GPR155: variants seen among roughly 807,000 people sequenced by gnomAD.
GPR155 encodes the protein G protein-coupled receptor 155.
A neutral mutation model predicts 93.1 loss-of-function variants in GPR155; 65 were observed. That is an observed-to-expected ratio of 0.70 (90% CI 0.57 to 0.86). The LOEUF (loss-of-function observed/expected upper bound fraction) is 0.86. GPR155 is among the 40% of genes least tolerant of loss of function. The pLI is 0.00. For synonymous variants in GPR155, 319 were observed against 360.1 expected (o/e 0.89, Z 1.29); for missense variants, 838 against 1,034.8 (o/e 0.81, Z 2.61).
chr2:174,469,571 G>A (rs1559114285), intron 4 of GPR155, among the ~76,000 whole-genome samples: 1 of 152,126 alleles, frequency 6.6e-6, no homozygotes, highest in Non-Finnish European at 1.5e-5. Context: ...TTTAGACACT[G>A]TTAATAATTT....
chr2:174,467,081 T>C (rs1222014527), intron 5 of GPR155, among the ~76,000 whole-genome samples: 1 of 152,006 alleles, frequency 6.6e-6, no homozygotes, highest in Non-Finnish European at 1.5e-5. Flanking sequence ...TGCTTGAACC[T>C]GGGAGGTGGA....
chr2:174,470,310 A>AT (rs1687955607), intron 4 of GPR155, 80 bp downstream of exon 4: 1 of 1,148,968 alleles, frequency 8.7e-7, no homozygotes, highest in Non-Finnish European at 1.2e-6. Flanking sequence ...TTAAAAAAGA[A>AT]TTTTAAAAAA....
At chr2:174,469,175 G>C in intron 4 of GPR155, 108 bp from the exon 5 acceptor site, 1 of 861,658 alleles carries the variant, frequency 1.2e-6, no homozygotes, top group Middle Eastern at 2.4e-4. Flanking sequence ...ATGAGACACA[G>C]TAAAGACATT....
At chr2:174,480,999 G>A (rs62175272) in intron 2 of GPR155, among the ~76,000 whole-genome samples, 2 of 151,878 alleles carry the variant, frequency 1.3e-5, no homozygotes, top group Non-Finnish European at 1.5e-5. Context: ...GGCTGGTCTC[G>A]AACTCCTAGG....
intron 11 of GPR155, among the ~76,000 whole-genome samples, chr2:174,448,746 C>T (rs1186874770): frequency 1.8e-4 from 28 of 151,488 alleles, no homozygotes; most frequent in Admixed American, 1.1e-3. Flanking sequence ...ACCTTGTTAG[C>T]CAGGATGGTC....
rs573821767 is a variant in GPR155 at position 174,474,389 on chromosome 2, G to C, written c.461-1025C>G. 5.9e-5 allele frequency among the ~76,000 whole-genome samples: 9 copies of C among 152,292 alleles called. No individual in the cohort carries two copies. The East Asian group carries it at 1.7e-3, about 29-fold the overall frequency. On this transcript the variant is annotated intron_variant, in intron 2 of 15. Coordinates refer to ENST00000392552, the MANE Select transcript of GPR155 (RefSeq NM_152529.7). ...AAAGAAGACCAGTGGAGATACTTAAGGAGTAGAGATAGAAAGGTGGATCTT... is the reference window on the plus strand; with the variant it reads ...AAAGAAGACCAGTGGAGATACTTAACGAGTAGAGATAGAAAGGTGGATCTT...
intron 11 of GPR155, among the ~76,000 whole-genome samples, chr2:174,449,805 G>A (rs1387730420): frequency 3.3e-5 from 5 of 152,204 alleles, no homozygotes; most frequent in African/African-American, 4.8e-5. Flanking sequence ...GTGAAATCCC[G>A]TCTCTACTAA....
chr2:174,457,289 G>A (rs1038183505), intron 10 of GPR155, among the ~76,000 whole-genome samples: 1 of 152,206 alleles, frequency 6.6e-6, no homozygotes, highest in Non-Finnish European at 1.5e-5. Flanking sequence ...TCCAGCCTGA[G>A]AGACAGAGAA....
intron 14 of GPR155, among the ~76,000 whole-genome samples, chr2:174,440,637 A>G (rs543356216): frequency 7.9e-5 from 12 of 152,336 alleles, no homozygotes; most frequent in Middle Eastern, 6.8e-3. Context: ...ATAAAGATGA[A>G]GAAGAAAGAA....
At chr2:174,464,989 C>T (rs1687798630) in intron 7 of GPR155, among the ~76,000 whole-genome samples, 1 of 152,140 alleles carries the variant, frequency 6.6e-6, no homozygotes, top group Non-Finnish European at 1.5e-5. Flanking sequence ...CTTTCATGTG[C>T]CATTTTATAG....
At chr2:174,453,916 A>C in intron 10 of GPR155, 75 bp from the exon 11 acceptor site, 6 of 959,834 alleles carry the variant, frequency 6.3e-6, no homozygotes, top group Non-Finnish European at 1.0e-5. Context: ...AATGCCAAAG[A>C]AAACAAAACA....
At chr2:174,441,142 C>T (rs1337187460) in intron 14 of GPR155, among the ~76,000 whole-genome samples, 1 of 151,860 alleles carries the variant, frequency 6.6e-6, no homozygotes, top group Non-Finnish European at 1.5e-5. Context: ...TGTTTATAAC[C>T]TTTGTGTGGC....
chr2:174,448,202 C>G (rs1340543982), intron 11 of GPR155, among the ~76,000 whole-genome samples: 1 of 151,922 alleles, frequency 6.6e-6, no homozygotes, highest in Admixed American at 6.6e-5. Flanking sequence ...ATGGTGAAAC[C>G]CTGTCTCTAC....
intron 2 of GPR155, among the ~76,000 whole-genome samples, chr2:174,475,087 A>G (rs1226532398): frequency 2.6e-5 from 4 of 151,394 alleles, no homozygotes; most frequent in African/African-American, 9.7e-5. Context: ...CGAGGTCAGG[A>G]GATCGAGACC....
intron 9 of GPR155, 66 bp from the exon 10 acceptor site, chr2:174,460,154 ATTTTTTTTT>A (rs11385015): frequency 4.7e-5 from 19 of 400,018 alleles, no homozygotes; most frequent in African/African-American, 3.6e-4. Context: ...CTTAGGGCAC[ATTTTTTTTT>A]TTTTTTTTTT....
At chr2:174,442,392 G>A (rs1459229000) in intron 13 of GPR155, among the ~76,000 whole-genome samples, 2 of 152,172 alleles carry the variant, frequency 1.3e-5, no homozygotes, top group Non-Finnish European at 2.9e-5. Flanking sequence ...CACTCATTGT[G>A]ATGGGTGATA....
Position 174,435,343 on chromosome 2 carries a change from TAAC to T in GPR155, c.*770_*772del, listed in dbSNP as rs1686744466. On this transcript the variant is annotated 3_prime_UTR_variant, in exon 16 of 16. Coordinates refer to ENST00000392552, the MANE Select transcript of GPR155 (RefSeq NM_152529.7). The stretch of plus-strand genomic sequence containing the variant: ...TTGTTATTCCCTAAACAATACAGTA[TAAC>T]AACAACTATTTACATAGCATTTACA... The T allele has an allele frequency of 1.3e-5, 2 of 152,194 alleles. No individual in the cohort carries two copies. Among genetic ancestry groups the T allele is most frequent in the Non-Finnish European group, 2.9e-5 (2 of 68,026 alleles). 9.4% of individuals were successfully genotyped at this position (152,194 alleles called of 1,614,324 possible).
Position 174,436,012 on chromosome 2 carries a change from G to A in GPR155, c.*104C>T. Reference sequence around the variant, plus strand: ...ACATTTTACAGAAGAGACAACTGAGGCTCAGAGAGGTTGCCTCTGTTAACT... The same window carrying A: ...ACATTTTACAGAAGAGACAACTGAGACTCAGAGAGGTTGCCTCTGTTAACT... On this transcript the variant is annotated 3_prime_UTR_variant, in exon 16 of 16. Coordinates refer to ENST00000392552, the MANE Select transcript of GPR155 (RefSeq NM_152529.7). 2.4e-6 allele frequency: 2 copies of A among 820,474 alleles called. No homozygotes were observed. Among genetic ancestry groups the A allele is most frequent in the South Asian group, 3.3e-5 (2 of 60,300 alleles). The allele number at this position is 820,474 out of a possible 1,614,324, so 50.8% of individuals were successfully genotyped here. A position where few individuals can be genotyped will look rare whatever the true frequency, so the allele number is the denominator to read the frequency against.
At chr2:174,456,967 A>G (rs1687537421) in intron 10 of GPR155, among the ~76,000 whole-genome samples, 1 of 152,344 alleles carries the variant, frequency 6.6e-6, no homozygotes, top group South Asian at 2.1e-4. Flanking sequence ...AACAGGAATG[A>G]AAGATTCTAA....
Sources: gnomAD v4.1 joint callset for allele counts (sites outside exome capture counted in the v4.1 genomes callset) on GRCh38, gnomAD v4.1.1 for gene constraint, MANE v1.5 for transcripts, NCBI Gene and HGNC (gene_info 2026-07-23, HGNC 2026-07-21) for gene names.